The following DPYD variants were observed in gnomAD, a reference collection of about 807,000 sequenced individuals.
The protein encoded by DPYD is dihydropyrimidine dehydrogenase [NADP(+)].
A neutral mutation model predicts 116.2 loss-of-function variants in DPYD; 109 were observed. That is an observed-to-expected ratio of 0.94 (90% CI 0.80 to 1.10). The LOEUF is 1.10. Among genes scored for constraint, DPYD ranks in the 50% least tolerant of loss-of-function variants. DPYD has a pLI of 0.00. For missense variants in DPYD, 1,302 were observed against 1,254.5 expected, an observed-to-expected ratio of 1.04 and a Z score of -0.57; for synonymous variants, 440 against 432.0, an observed-to-expected ratio of 1.02 and a Z score of -0.23.
intron 2 of DPYD, among the ~76,000 whole-genome samples, chr1:97,842,004 A>T (rs1670063836): frequency 6.6e-6 from 1 of 151,782 alleles, no homozygotes. Flanking sequence ...ATTAAAATTA[A>T]ATAAAGACTT....
intron 1 of DPYD, among the ~76,000 whole-genome samples, chr1:97,887,361 T>C (rs1672548610): frequency 6.7e-6 from 1 of 148,706 alleles, no homozygotes; most frequent in South Asian, 2.1e-4. Context: ...TCTCAGCTAC[T>C]CAGAAGGCTG....
chr1:97,210,761 T>C (rs1659983288), intron 19 of DPYD, among the ~76,000 whole-genome samples: 1 of 152,152 alleles, frequency 6.6e-6, no homozygotes, highest in African/African-American at 2.4e-5. Flanking sequence ...ATCTTAACTA[T>C]AGCCAGAATA....
intron 20 of DPYD, among the ~76,000 whole-genome samples, chr1:97,175,396 A>C (rs113603119): frequency 1.1e-4 from 16 of 152,312 alleles, no homozygotes; most frequent in African/African-American, 3.6e-4. Context: ...AATTATGGTG[A>C]TGTGCAAGGT....
At chr1:97,804,551 G>T (rs1350051395) in intron 3 of DPYD, among the ~76,000 whole-genome samples, 3 of 151,762 alleles carry the variant, frequency 2.0e-5, no homozygotes, top group Non-Finnish European at 4.4e-5. Flanking sequence ...TATCCCTACA[G>T]TATGTCATTG....
intron 7 of DPYD, among the ~76,000 whole-genome samples, chr1:97,684,751 T>C (rs1419290935): frequency 6.6e-6 from 1 of 152,072 alleles, no homozygotes; most frequent in African/African-American, 2.4e-5. Context: ...CTAGAAGAAA[T>C]GGATAAATTC....
chr1:97,766,218 G>A (rs1361709961), intron 3 of DPYD, among the ~76,000 whole-genome samples: 1 of 152,054 alleles, frequency 6.6e-6, no homozygotes, highest in African/African-American at 2.4e-5. Context: ...TCCAGCCTAG[G>A]CAACAAGAGA....
chr1:97,162,047 T>C (rs1024321456), intron 20 of DPYD, among the ~76,000 whole-genome samples: 1 of 152,010 alleles, frequency 6.6e-6, no homozygotes, highest in African/African-American at 2.4e-5. Context: ...TGCATGTGTC[T>C]TTATAGCAGC....
chr1:97,189,924 T>C (rs971467513), intron 20 of DPYD, among the ~76,000 whole-genome samples: 3 of 152,198 alleles, frequency 2.0e-5, no homozygotes, highest in Non-Finnish European at 4.4e-5. Context: ...GGTTTTCTGC[T>C]GAATGAATTA....
intron 9 of DPYD, among the ~76,000 whole-genome samples, chr1:97,594,369 A>C (rs1160617996): frequency 6.6e-6 from 1 of 152,148 alleles, no homozygotes; most frequent in African/African-American, 2.4e-5. Context: ...TTTAGCTGTA[A>C]ACTTCTGAAG....
chr1:97,417,471 T>C (rs965468668), intron 14 of DPYD, among the ~76,000 whole-genome samples: 2 of 152,202 alleles, frequency 1.3e-5, no homozygotes, highest in East Asian at 1.9e-4. Context: ...AATATGTAAA[T>C]TTCAATTTCA....
chr1:97,436,327 T>G (rs1277164520), intron 14 of DPYD, among the ~76,000 whole-genome samples: 2 of 152,012 alleles, frequency 1.3e-5, no homozygotes, highest in Non-Finnish European at 2.9e-5. Context: ...TTTCAGCTCT[T>G]TGAATATGAA....
chr1:97,299,241 C>G (rs575221646), intron 18 of DPYD, among the ~76,000 whole-genome samples: 2 of 152,056 alleles, frequency 1.3e-5, no homozygotes, highest in African/African-American at 2.4e-5. Context: ...CATAATAGAA[C>G]ATTTTTTGAT....
intron 8 of DPYD, among the ~76,000 whole-genome samples, chr1:97,619,771 T>C (rs1656519128): frequency 2.0e-5 from 3 of 152,202 alleles, no homozygotes; most frequent in Admixed American, 2.0e-4. Flanking sequence ...AATTTGAAGG[T>C]AACTTTTTAA....
At position 97,885,971 on chromosome 1, in the gene DPYD, T is replaced by C. The variant is rs1672465884; in HGVS notation, c.40-2597A>G. On this transcript the variant is annotated intron_variant, in intron 1 of 22. Transcript: ENST00000370192. ...GACCATTAAGAGGTCACCTCTGGAA[T>C]GGTAGAGTAAGGACCTCTGCAGACT... is the stretch of plus-strand genomic sequence containing the variant. Among the ~76,000 whole-genome samples the C allele has an allele frequency of 2.0e-5, 3 of 152,074 alleles. No homozygotes were observed. The South Asian group carries it at 6.2e-4, about 32-fold the overall frequency.
intron 16 of DPYD, among the ~76,000 whole-genome samples, chr1:97,324,223 A>G (rs1558031714): frequency 6.6e-6 from 1 of 151,948 alleles, no homozygotes; most frequent in Non-Finnish European, 1.5e-5. Context: ...TATCCTGCCA[A>G]TAAATCTCCT....
chr1:97,555,669 C>A (rs758799433), intron 11 of DPYD, among the ~76,000 whole-genome samples: 1 of 152,086 alleles, frequency 6.6e-6, no homozygotes, highest in Non-Finnish European at 1.5e-5. Flanking sequence ...CACATGGGAA[C>A]TCTCTTTTCT....
At chr1:97,749,552 C>T (rs1473928722) in intron 3 of DPYD, among the ~76,000 whole-genome samples, 10 of 152,066 alleles carry the variant, frequency 6.6e-5, no homozygotes, top group African/African-American at 9.7e-5. Context: ...AGAGAAATAC[C>T]TATATCTTAT....
chr1:97,173,567 A>T (rs5027693), intron 20 of DPYD, among the ~76,000 whole-genome samples: 107,648 of 149,522 alleles, frequency 0.72, 40,335 homozygotes, highest in East Asian at 0.99. Context: ...TTTTTTTTTT[A>T]ACAATTGATC....
At chr1:97,750,375 G>A (rs187986998) in intron 3 of DPYD, among the ~76,000 whole-genome samples, 2 of 152,014 alleles carry the variant, frequency 1.3e-5, no homozygotes, top group African/African-American at 4.8e-5. Context: ...CTAGATGTAC[G>A]GAATATGTTT....
Sources: allele counts gnomAD v4.1 joint callset (sites outside exome capture counted in the v4.1 genomes callset), GRCh38; gene constraint gnomAD v4.1.1; transcripts MANE v1.5; gene names NCBI Gene and HGNC (gene_info 2026-07-23, HGNC 2026-07-21).